Variants in GAS2L3 observed in about 807,000 individuals in gnomAD.
The protein encoded by GAS2L3 is GAS2-like protein 3.
GAS2L3 carries 28 observed loss-of-function variants against 37.0 expected under a neutral mutation model. The ratio of observed to expected loss-of-function variants is 0.76; its 90% CI spans 0.56 to 1.04. The LOEUF is 1.04. Ranked by LOEUF, GAS2L3 falls within the 50% of genes least tolerant of loss-of-function variation. The probability of loss-of-function intolerance (pLI) is 0.00; values close to 1 mark genes in which losing one functional copy is unlikely to be tolerated. For missense variants in GAS2L3, 793 were observed against 817.6 expected (o/e 0.97, Z 0.37); for synonymous variants, 290 against 296.6 (o/e 0.98, Z 0.23).
chr12:100,618,018 GT>G (rs1302950215), intron 7 of GAS2L3, among the ~76,000 whole-genome samples: 1 of 152,102 alleles, frequency 6.6e-6, no homozygotes, highest in Non-Finnish European at 1.5e-5. Context: ...TTCTTTTACT[GT>G]TAAACTATGG....
chr12:100,620,506 T>C (rs1269559618), intron 8 of GAS2L3, among the ~76,000 whole-genome samples: 1 of 151,982 alleles, frequency 6.6e-6, no homozygotes, highest in Non-Finnish European at 1.5e-5. Flanking sequence ...AGTGCTGATT[T>C]GTACTGCTCA....
intron 1 of GAS2L3, among the ~76,000 whole-genome samples, chr12:100,575,919 A>C (rs1955631237): frequency 6.6e-6 from 1 of 152,166 alleles, no homozygotes; most frequent in African/African-American, 2.4e-5. Flanking sequence ...CCTGCACTGG[A>C]TTGTCAGTGT....
At chr12:100,616,501 T>C (rs1956189193) in intron 6 of GAS2L3, among the ~76,000 whole-genome samples, 1 of 152,120 alleles carries the variant, frequency 6.6e-6, no homozygotes, top group South Asian at 2.1e-4. Flanking sequence ...AATGGCACGA[T>C]AATAGCTCAC....
chr12:100,602,562 A>G (rs1168003225), intron 5 of GAS2L3, among the ~76,000 whole-genome samples: 1 of 152,072 alleles, frequency 6.6e-6, no homozygotes, highest in Non-Finnish European at 1.5e-5. Flanking sequence ...ATACTTTGAT[A>G]CAGGCATGCA....
intron 5 of GAS2L3, among the ~76,000 whole-genome samples, chr12:100,610,294 C>T (rs917556335): frequency 2.0e-5 from 3 of 152,162 alleles, no homozygotes; most frequent in African/African-American, 4.8e-5. Context: ...GAATATTATA[C>T]ATTCATTGGA....
rs1956072501 is a variant in GAS2L3 at position 100,607,532 on chromosome 12, C to T, written c.304-4468C>T. 1.3e-5 allele frequency among the ~76,000 whole-genome samples: 2 copies of T among 152,128 alleles called. 1 individual carries two copies. The highest frequency in any genetic ancestry group is 4.8e-5 in the African/African-American group (2 of 41,434). On this transcript the variant is annotated intron_variant, in intron 5 of 9. Coordinates refer to ENST00000547754, the MANE Select transcript of GAS2L3 (RefSeq NM_174942.3). ...TTTCTATCCCCATCTCTCTCTCTCT[C>T]TGCCTCCTTTAAGGCCAATAACTCT...
Position 100,612,142 on chromosome 12 carries a change from G to A in GAS2L3, c.445+1G>A, listed in dbSNP as rs1956135415. On this transcript the variant is annotated splice_donor_variant, in intron 6 of 9. Transcript: ENST00000547754. LOFTEE classifies it high-confidence loss of function. ...TACCTCTTTGAATCTGAAGGTTTAGGTAAGTGATGTTCTTGTCATTCTTGT... is the reference window on the plus strand; with the variant it reads ...TACCTCTTTGAATCTGAAGGTTTAGATAAGTGATGTTCTTGTCATTCTTGT... The A allele has an allele frequency of 1.2e-6, 2 of 1,612,054 alleles. No homozygotes were observed. Among genetic ancestry groups the A allele is most frequent in the Non-Finnish European group, 1.7e-6 (2 of 1,178,506 alleles).
intron 4 of GAS2L3, among the ~76,000 whole-genome samples, chr12:100,600,890 C>T (rs1955980056): frequency 6.6e-6 from 1 of 151,924 alleles, no homozygotes; most frequent in Admixed American, 6.6e-5. Context: ...CTCGACCCAC[C>T]TTAGTCTTGT....
rs182005761 is a variant in GAS2L3 at position 100,589,253 on chromosome 12, T to C, written c.-151-2483T>C. ...GCAAGGTTTCTGGATACAAGCTTAA[T>C]GTACACAAATCAGTAGCTCTTCTAT... On this transcript the variant is annotated intron_variant, in intron 1 of 9. Coordinates refer to ENST00000547754, the MANE Select transcript of GAS2L3 (RefSeq NM_174942.3). 8.0e-3 allele frequency among the ~76,000 whole-genome samples: 1,220 copies of C among 152,200 alleles called. 5 individuals carry two copies. Among genetic ancestry groups the C allele is most frequent in the Non-Finnish European group, 0.013 (889 of 68,000 alleles).
At position 100,618,432 on chromosome 12, in the gene GAS2L3, T is replaced by C; in HGVS notation, c.510-17T>C. 1 of 1,593,312 alleles carries C rather than the reference T, an allele frequency of 6.3e-7. No homozygotes were observed. Among genetic ancestry groups the C allele is most frequent in the Non-Finnish European group, 8.5e-7 (1 of 1,171,868 alleles). On this transcript the variant is annotated splice_polypyrimidine_tract_variant and intron_variant, in intron 7 of 9. Coordinates refer to ENST00000547754, the MANE Select transcript of GAS2L3 (RefSeq NM_174942.3). Reference sequence around the variant, plus strand: ...TCAACTTTGCTTGAATGATCAGATCTCCTGGTTGGTTTTCAGATACGGGGT... The same window carrying C: ...TCAACTTTGCTTGAATGATCAGATCCCCTGGTTGGTTTTCAGATACGGGGT...
intron 2 of GAS2L3, among the ~76,000 whole-genome samples, chr12:100,593,419 C>T (rs1593168224): frequency 6.6e-6 from 1 of 152,052 alleles, no homozygotes. Context: ...GTTCAAGTGA[C>T]CAAATATTGT....
intron 6 of GAS2L3, among the ~76,000 whole-genome samples, chr12:100,616,096 A>G (rs1227543306): frequency 1.3e-5 from 2 of 152,216 alleles, no homozygotes; most frequent in Non-Finnish European, 2.9e-5. Flanking sequence ...TATCTTAACA[A>G]GTTGTCTTCC....
Position 100,623,959 on chromosome 12 carries a change from T to G in GAS2L3, c.1154T>G (p.Leu385Arg), listed in dbSNP as rs757878356. ...CCAGCAGCATCTTCTCATCCCAAGC[T>G]CAAGTCTTCAAAAGGCATAACGAAG... ...NSPAASSHPK[L>R]KSSKGITKKP... Residue 385 changes from leucine (L) to arginine (R), a missense_variant, in exon 10 of 10, where the codon CTC becomes CGC. Coordinates refer to ENST00000547754, the MANE Select transcript of GAS2L3 (RefSeq NM_174942.3). 19 of 1,613,806 alleles carry G rather than the reference T, an allele frequency of 1.2e-5. No homozygotes were observed. The highest frequency in any genetic ancestry group is 1.6e-5 in the Non-Finnish European group (19 of 1,179,976).
At position 100,606,145 on chromosome 12, in the gene GAS2L3, A is replaced by G. The variant is rs542430023; in HGVS notation, c.303+4392A>G. 7.9e-5 allele frequency among the ~76,000 whole-genome samples: 12 copies of G among 151,960 alleles called. 1 individual carries two copies. The South Asian group carries it at 2.3e-3, about 29-fold the overall frequency. On this transcript the variant is annotated intron_variant, in intron 5 of 9. Transcript: ENST00000547754. ...TCTCTCTCTCTTTAGCTGTATTAAT[A>G]TTTGCTTTATTTATCTGAGCGCTCT... is the stretch of plus-strand genomic sequence containing the variant.
chr12:100,597,715 C>CA (rs1331490359), intron 3 of GAS2L3, among the ~76,000 whole-genome samples: 134 of 147,616 alleles, frequency 9.1e-4, no homozygotes, highest in South Asian at 2.4e-3. Flanking sequence ...GGGTTAAAAA[C>CA]AAAAAAAAAA....
chr12:100,593,351 T>C (rs1955870253), intron 2 of GAS2L3, among the ~76,000 whole-genome samples: 1 of 152,156 alleles, frequency 6.6e-6, no homozygotes. Context: ...TTAAAAGTAG[T>C]TTTTTCTGTT....
At chr12:100,611,432 A>G (rs1450800377) in intron 5 of GAS2L3, among the ~76,000 whole-genome samples, 1 of 152,168 alleles carries the variant, frequency 6.6e-6, no homozygotes, top group East Asian at 1.9e-4. Flanking sequence ...GAGGTGAGAG[A>G]TGTTTGATCT....
chr12:100,589,316 C>T (rs1044801421), intron 1 of GAS2L3, among the ~76,000 whole-genome samples: 1 of 149,568 alleles, frequency 6.7e-6, no homozygotes, highest in African/African-American at 2.5e-5. Flanking sequence ...AAATCAAGAA[C>T]TCAACCCCTT....
chr12:100,614,871 A>T (rs1956168037), intron 6 of GAS2L3, among the ~76,000 whole-genome samples: 1 of 152,334 alleles, frequency 6.6e-6, no homozygotes, highest in East Asian at 1.9e-4. Flanking sequence ...TGGTAGACTA[A>T]TATTCCATCG....
Sources: gnomAD v4.1 joint callset for allele counts (sites outside exome capture counted in the v4.1 genomes callset) on GRCh38, gnomAD v4.1.1 for gene constraint, MANE v1.5 for transcripts, NCBI Gene and HGNC (gene_info 2026-07-23, HGNC 2026-07-21) for gene names.